FAN1: variants seen among roughly 807,000 people sequenced by gnomAD.
The protein encoded by FAN1 is FANCD2 and FANCI associated nuclease 1.
In FAN1, 91 loss-of-function variants were observed where a neutral mutation model predicts 104.9. That is an observed-to-expected ratio of 0.87 (90% CI 0.73 to 1.03). The LOEUF (loss-of-function observed/expected upper bound fraction) is 1.03, where lower values mean the gene tolerates loss of function less well. Ranked by LOEUF, FAN1 falls within the 50% of genes least tolerant of loss-of-function variation. The pLI is 0.00. For synonymous variants in FAN1, 478 were observed against 457.6 expected, an observed-to-expected ratio of 1.04 and a Z score of -0.57; for missense variants, 1,263 against 1,239.9, an observed-to-expected ratio of 1.02 and a Z score of -0.28.
At chr15:30,911,009 C>T (rs751052663) in intron 4 of FAN1, 194 bp downstream of exon 4, 248 of 1,282,786 alleles carry the variant, frequency 1.9e-4, no homozygotes, top group Non-Finnish European at 1.4e-4. Flanking sequence ...GTCGTAATAC[C>T]GTACTAATTT....
chr15:30,909,225 A>G (rs1475188214), intron 3 of FAN1, among the ~76,000 whole-genome samples: 1 of 152,194 alleles, frequency 6.6e-6, no homozygotes, highest in Non-Finnish European at 1.5e-5. Context: ...CGAATCAGCC[A>G]GCTGGTTTCT....
chr15:30,927,513 C>G, intron 10 of FAN1: 1 of 985,754 alleles, frequency 1.0e-6, no homozygotes, highest in African/African-American at 1.7e-5. Context: ...CAGAGGTGAC[C>G]CAGGCAGGCA....
intron 14 of FAN1, among the ~76,000 whole-genome samples, 188 bp downstream of exon 14, chr15:30,937,447 C>CTTT (rs11317050): frequency 6.3e-5 from 5 of 78,970 alleles, no homozygotes; most frequent in Non-Finnish European, 9.6e-5. Flanking sequence ...GGGTAATAAA[C>CTTT]TTTTTTTTTT....
chr15:30,907,548 A>G (rs1399469204), intron 2 of FAN1, among the ~76,000 whole-genome samples: 3 of 151,758 alleles, frequency 2.0e-5, no homozygotes, highest in African/African-American at 7.3e-5. Flanking sequence ...CAAAACAAAA[A>G]AACAACCAAA....
At chr15:30,916,935 G>T (rs2062209481) in intron 5 of FAN1, among the ~76,000 whole-genome samples, 1 of 152,178 alleles carries the variant, frequency 6.6e-6, no homozygotes, top group African/African-American at 2.4e-5. Context: ...GAATGAGGTA[G>T]CTGTGTCAGG....
intron 2 of FAN1, 37 bp downstream of exon 2, chr15:30,905,934 C>A: frequency 4.5e-6 from 7 of 1,569,226 alleles, no homozygotes; most frequent in Non-Finnish European, 6.1e-6. Context: ...AGTTTTCATT[C>A]CCCTTTTGCT....
intron 3 of FAN1, among the ~76,000 whole-genome samples, chr15:30,908,870 G>A (rs373470837): frequency 1.3e-5 from 2 of 152,238 alleles, no homozygotes; most frequent in Non-Finnish European, 2.9e-5. Flanking sequence ...CCTTCTTGGC[G>A]CTCTCCTTCC....
At position 30,913,893 on chromosome 15, in the gene FAN1, G is replaced by T. The variant is rs760199770; in HGVS notation, c.1613G>T (p.Cys538Phe). The change falls in exon 5 of 15, where the codon TGT becomes TTT. Residue 538 changes from cysteine (C) to phenylalanine (F), a missense_variant. Physicochemically the swap from Cys to Phe is radical, Grantham distance 205 (BLOSUM62 -2). Coordinates refer to ENST00000362065, the MANE Select transcript of FAN1 (RefSeq NM_014967.5). ...TTGGCTGGACAGTCAGTACGAATCT[G>T]TAAAGGCCCCAGGGCTGTGTTTTCC... is the stretch of plus-strand genomic sequence containing the variant. ...KALAGQSVRI[C>F]KGPRAVFSRI... is the part of the protein sequence containing the mutation. 2 of 1,614,094 alleles carry T rather than the reference G, an allele frequency of 1.2e-6. No homozygotes were observed. Among genetic ancestry groups the T allele is most frequent in the East Asian group, 2.2e-5 (1 of 44,890 alleles).
chr15:30,929,936 AAATATATAATATAATATATATCATAT>A (rs2062652048), intron 12 of FAN1, among the ~76,000 whole-genome samples: 1 of 117,664 alleles, frequency 8.5e-6, no homozygotes, highest in African/African-American at 3.5e-5. Flanking sequence ...ATAATATATA[AAATATATAATATAATATATATCATAT>A]AATATATAAA....
intron 14 of FAN1, chr15:30,938,800 A>G (rs752720356): frequency 3.5e-6 from 2 of 574,802 alleles, no homozygotes; most frequent in Non-Finnish European, 4.4e-6. Context: ...GCTGTTAAAA[A>G]AAGTTACTGA....
At chr15:30,919,906 A>T (rs979661534) in intron 6 of FAN1, among the ~76,000 whole-genome samples, 1 of 152,166 alleles carries the variant, frequency 6.6e-6, no homozygotes, top group African/African-American at 2.4e-5. Context: ...GTTTAAACCC[A>T]TGTTGTCCAG....
chr15:30,930,575 C>T lies in FAN1; in HGVS notation c.2820C>T (p.Leu940=). Residue 940 remains leucine, a synonymous_variant, in exon 13 of 15, where the codon CTC becomes CTT. Coordinates refer to ENST00000362065, the MANE Select transcript of FAN1 (RefSeq NM_014967.5). The part of the protein sequence containing the change: ...DLVSCLGGPV[L]SGVCRHLAAD... ...TCTCCTGCCTGGGGGGCCCTGTGCT[C>T]AGTGGTGTGTGCAGGCACCTGGCTG... 6.2e-7 allele frequency: 1 copy of T among 1,611,086 alleles called. No individual in the cohort carries two copies. Among genetic ancestry groups the T allele is most frequent in the African/African-American group, 1.3e-5 (1 of 74,800 alleles).
chr15:30,931,414 C>T (rs2062707159), intron 13 of FAN1, among the ~76,000 whole-genome samples: 1 of 152,118 alleles, frequency 6.6e-6, no homozygotes, highest in African/African-American at 2.4e-5. Context: ...TTTTGAAGAG[C>T]AGAGGTTTCA....
At chr15:30,907,499 C>G (rs556439192) in intron 2 of FAN1, among the ~76,000 whole-genome samples, 1 of 151,694 alleles carries the variant, frequency 6.6e-6, no homozygotes, top group East Asian at 1.9e-4. Flanking sequence ...GCCTGGGCAA[C>G]AAGAGCAAAA....
intron 10 of FAN1, 59 bp downstream of exon 10, chr15:30,925,998 G>T (rs943173177): frequency 3.8e-6 from 6 of 1,567,634 alleles, no homozygotes; most frequent in Admixed American, 3.4e-5. Context: ...CAGCAGCACT[G>T]GATGGGCTGT....
At chr15:30,931,561 T>A (rs1689949192) in intron 13 of FAN1, among the ~76,000 whole-genome samples, 1 of 152,186 alleles carries the variant, frequency 6.6e-6, no homozygotes, top group Admixed American at 6.5e-5. Context: ...GTTTTAGGTT[T>A]TACATTCAGT....
At chr15:30,909,743 G>C (rs1305674447) in intron 3 of FAN1, among the ~76,000 whole-genome samples, 1 of 152,134 alleles carries the variant, frequency 6.6e-6, no homozygotes, top group Admixed American at 6.5e-5. Context: ...CAGAGCCTTG[G>C]ACTGACTTTC....
chr15:30,936,782 AAACCGTAGAGTACT>A (rs2062866525), intron 13 of FAN1, among the ~76,000 whole-genome samples: 1 of 152,224 alleles, frequency 6.6e-6, no homozygotes, highest in East Asian at 1.9e-4. Context: ...AGTTCACTGC[AAACCGTAGAGTACT>A]GGTTATCCTC....
At chr15:30,911,003 T>C in intron 4 of FAN1, 188 bp downstream of exon 4, 1 of 1,307,284 alleles carries the variant, frequency 7.6e-7, no homozygotes, top group Non-Finnish European at 9.7e-7. Flanking sequence ...ATTTTTGTCG[T>C]AATACCGTAC....
Sources: gnomAD v4.1 joint callset for allele counts (sites outside exome capture counted in the v4.1 genomes callset) on GRCh38, gnomAD v4.1.1 for gene constraint, MANE v1.5 for transcripts, NCBI Gene and HGNC (gene_info 2026-07-23, HGNC 2026-07-21) for gene names.